CHD7: variants seen among roughly 807,000 people sequenced by gnomAD.
CHD7 encodes the protein chromodomain helicase DNA binding protein 7, also known as ATP-dependent chromatin remodeler CHD7.
A neutral mutation model predicts 307.3 loss-of-function variants in CHD7; 24 were observed. The observed-to-expected ratio is 0.08, with a 90% confidence interval of 0.06 to 0.11. The LOEUF (loss-of-function observed/expected upper bound fraction) is 0.11, where lower values mean the gene tolerates loss of function less well. CHD7 is among the 10% of genes least tolerant of loss of function. The pLI is 1.00. For synonymous variants in CHD7, 1,363 were observed against 1,349.9 expected (o/e 1.01, Z -0.21); for missense variants, 3,106 against 3,727.1 (o/e 0.83, Z 4.34).
At chr8:60,747,915 G>A (rs1367456663) in intron 2 of CHD7, among the ~76,000 whole-genome samples, 1 of 152,228 alleles carries the variant, frequency 6.6e-6, no homozygotes, top group Non-Finnish European at 1.5e-5. Flanking sequence ...GCTTAACAGT[G>A]GGGACTCAAA....
chr8:60,690,265 T>C (rs1812499149), intron 1 of CHD7, among the ~76,000 whole-genome samples: 1 of 152,232 alleles, frequency 6.6e-6, no homozygotes, highest in South Asian at 2.1e-4. Context: ...GGTGTATTTT[T>C]GGATTTTGTA....
chr8:60,735,332 T>TA (rs1387050922), intron 1 of CHD7, among the ~76,000 whole-genome samples: 6 of 152,210 alleles, frequency 3.9e-5, no homozygotes, highest in Admixed American at 3.9e-4. Context: ...TTTTCCTTAT[T>TA]AAAAATGTGT....
chr8:60,690,794 A>G (rs1337489164), intron 1 of CHD7, among the ~76,000 whole-genome samples: 1 of 152,148 alleles, frequency 6.6e-6, no homozygotes, highest in Non-Finnish European at 1.5e-5. Context: ...GGTATGGTGA[A>G]TGGTTGGGCT....
At chr8:60,780,761 T>A (rs1460396285) in intron 2 of CHD7, among the ~76,000 whole-genome samples, 1 of 152,012 alleles carries the variant, frequency 6.6e-6, no homozygotes, top group African/African-American at 2.4e-5. Context: ...CTGAACTGAT[T>A]TTTTTTTACT....
intron 1 of CHD7, among the ~76,000 whole-genome samples, chr8:60,684,471 T>C (rs1805784828): frequency 6.6e-6 from 1 of 152,184 alleles, no homozygotes; most frequent in African/African-American, 2.4e-5. Context: ...AGAGCTACTG[T>C]AAGGTCATAG....
In CHD7 at chr8:60,865,955, G is replaced by A. The variant is rs1355152920; in HGVS notation, c.*22G>A. Reference sequence around the variant, plus strand: ...ATAACCAGTACCAGTTCCAGTTCAAGTGTTTAAAACTTTTGACAAGTGGTA... The same window carrying A: ...ATAACCAGTACCAGTTCCAGTTCAAATGTTTAAAACTTTTGACAAGTGGTA... On this transcript the variant is annotated 3_prime_UTR_variant, in exon 38 of 38. Coordinates refer to ENST00000423902, the MANE Select transcript of CHD7 (RefSeq NM_017780.4). The surrounding 1 kb of genome is among the most constrained non-coding windows in gnomAD (Gnocchi z 4.3). The A allele has an allele frequency of 1.9e-6, 3 of 1,572,814 alleles. No homozygotes were observed. Among genetic ancestry groups the A allele is most frequent in the Admixed American group, 1.9e-5 (1 of 53,722 alleles).
At chr8:60,827,829 A>G (rs1426996088) in intron 13 of CHD7, among the ~76,000 whole-genome samples, 1 of 151,938 alleles carries the variant, frequency 6.6e-6, no homozygotes, top group African/African-American at 2.4e-5. Flanking sequence ...AAGTCAGAAT[A>G]TTGCTTTCTC....
intron 4 of CHD7, among the ~76,000 whole-genome samples, chr8:60,796,560 A>G (rs1294074777): frequency 6.6e-6 from 1 of 151,950 alleles, no homozygotes; most frequent in African/African-American, 2.4e-5. Flanking sequence ...TGTTTTTTTA[A>G]AAGTCTGTTT....
intron 2 of CHD7, among the ~76,000 whole-genome samples, chr8:60,759,392 CCTCT>C (rs150384717): frequency 1.3e-5 from 2 of 150,270 alleles, no homozygotes; most frequent in Non-Finnish European, 3.0e-5. Context: ...TCTCCCTCTC[CCTCT>C]CTCTCTCTCC....
At chr8:60,723,684 C>T (rs772732585) in intron 1 of CHD7, among the ~76,000 whole-genome samples, 4 of 152,162 alleles carry the variant, frequency 2.6e-5, no homozygotes, top group African/African-American at 4.8e-5. Flanking sequence ...AGTGATAACG[C>T]GAATGGTTAG....
intron 17 of CHD7, 24 bp from the exon 18 acceptor site, chr8:60,837,644 C>A: frequency 6.6e-7 from 1 of 1,520,592 alleles, no homozygotes; most frequent in Middle Eastern, 1.7e-4. Flanking sequence ...ATTGCAGTAA[C>A]TATTAATTTC....
intron 1 of CHD7, among the ~76,000 whole-genome samples, chr8:60,723,412 A>G (rs1274841417): frequency 1.3e-5 from 2 of 152,144 alleles, no homozygotes; most frequent in Admixed American, 1.3e-4. Flanking sequence ...CACCTCAGTT[A>G]TACCTCAGTT....
At chr8:60,725,011 G>A (rs1808096095) in intron 1 of CHD7, among the ~76,000 whole-genome samples, 1 of 152,182 alleles carries the variant, frequency 6.6e-6, no homozygotes, top group Non-Finnish European at 1.5e-5. Context: ...TCAAATTTTG[G>A]TGGATTATTT....
At chr8:60,850,714 T>TACAG in intron 26 of CHD7, 92 bp downstream of exon 26, 1 of 1,303,380 alleles carries the variant, frequency 7.7e-7, no homozygotes, top group Non-Finnish European at 1.1e-6. Context: ...ACACACTGTA[T>TACAG]TGTGTCTGAT....
intron 14 of CHD7, 127 bp from the exon 15 acceptor site, chr8:60,830,195 C>T: frequency 1.0e-6 from 1 of 956,862 alleles, no homozygotes; most frequent in Non-Finnish European, 1.5e-6. Context: ...CCTTCATACT[C>T]TCACTGGGCT....
chr8:60,781,517 G>A (rs1352515445), intron 3 of CHD7, 87 bp downstream of exon 3: 1 of 1,422,970 alleles, frequency 7.0e-7, no homozygotes, highest in Non-Finnish European at 9.2e-7. Flanking sequence ...AATGAGGGGT[G>A]GGAGGGGACA....
chr8:60,748,378 A>C (rs1370437250), intron 2 of CHD7, among the ~76,000 whole-genome samples: 2 of 152,162 alleles, frequency 1.3e-5, no homozygotes, highest in Non-Finnish European at 2.9e-5. Context: ...GCTGGAATGT[A>C]GGTCTGGGGC....
chr8:60,685,106 ATTTGAGAAGGAAGCTCATGAGT>A (rs1286065174), intron 1 of CHD7, among the ~76,000 whole-genome samples: 1 of 152,196 alleles, frequency 6.6e-6, no homozygotes, highest in Non-Finnish European at 1.5e-5. Context: ...TCTGCTGAAG[ATTTGAGAAGGAAGCTCATGAGT>A]TCTTGTAGCA....
chr8:60,762,327 A>T (rs1810255574), intron 2 of CHD7, among the ~76,000 whole-genome samples: 1 of 152,134 alleles, frequency 6.6e-6, no homozygotes, highest in Non-Finnish European at 1.5e-5. Flanking sequence ...GACACTGCTG[A>T]ATGTGGGGTC....
Sources: gnomAD v4.1 joint callset for allele counts (sites outside exome capture counted in the v4.1 genomes callset) on GRCh38, gnomAD v4.1.1 for gene constraint, Gnocchi (gnomAD v3.1) non-coding constraint, MANE v1.5 for transcripts, NCBI Gene and HGNC (gene_info 2026-07-23, HGNC 2026-07-21) for gene names.